Variants in TMEM74 observed in about 807,000 individuals in gnomAD.
The protein encoded by TMEM74 is transmembrane protein 74.
Under a neutral mutation model 18.1 loss-of-function variants are expected in TMEM74, and 13 were observed. The observed-to-expected ratio is 0.72, with a 90% CI of 0.47 to 1.14. The LOEUF (loss-of-function observed/expected upper bound fraction) is 1.14. Ranked by LOEUF, TMEM74 falls within the 50% of genes most tolerant of loss-of-function variation. The pLI, the probability that TMEM74 is intolerant of heterozygous loss-of-function variation, is 0.00. For missense variants in TMEM74, 372 were observed against 375.9 expected (o/e 0.99, Z 0.09); for synonymous variants, 159 against 146.6 (o/e 1.08, Z -0.61).
intron 2 of TMEM74, among the ~76,000 whole-genome samples, chr8:108,618,848 C>A (rs568122502): frequency 6.6e-6 from 1 of 152,166 alleles, no homozygotes; most frequent in Non-Finnish European, 1.5e-5. Flanking sequence ...AATGCTTCAC[C>A]CAGTTAGCAA....
At chr8:108,715,918 A>G (rs1465429716) in intron 1 of TMEM74, among the ~76,000 whole-genome samples, 1 of 152,152 alleles carries the variant, frequency 6.6e-6, no homozygotes, top group Non-Finnish European at 1.5e-5. Flanking sequence ...TTGAAGTGAA[A>G]GATATTCATT....
rs568682963 is a variant in TMEM74, at chr8:108,671,506, G to A, written n.120-16069C>T. Among the ~76,000 whole-genome samples, 80 of 152,298 alleles carry A rather than the reference G, an allele frequency of 5.3e-4. 1 individual carries two copies. The highest frequency in any genetic ancestry group is 1.9e-3 in the African/African-American group (79 of 41,566). ...ACATTAAGGTTCATGCAATATTGAT[G>A]TGTTAAGAGGGTTTTCACAACTCAG... On this transcript the variant is annotated intron_variant and non_coding_transcript_variant, in intron 1 of 3. Coordinates refer to the TMEM74 transcript ENST00000518838.
intron 2 of TMEM74, among the ~76,000 whole-genome samples, chr8:108,608,983 C>T (rs1048580539): frequency 2.0e-5 from 3 of 152,236 alleles, no homozygotes; most frequent in African/African-American, 7.2e-5. Context: ...GGTAAACAAA[C>T]AAATAAAAAA....
chr8:108,661,876 G>T (rs886734532), intron 1 of TMEM74, among the ~76,000 whole-genome samples: 4 of 152,074 alleles, frequency 2.6e-5, no homozygotes, highest in African/African-American at 4.8e-5. Flanking sequence ...TTGTGAAATT[G>T]CAAGAAATTC....
At position 108,656,934 on chromosome 8, in the gene TMEM74, T is replaced by C. The variant is rs551243628; in HGVS notation, n.120-1497A>G. Among the ~76,000 whole-genome samples, 33 of 152,280 alleles carry C rather than the reference T, an allele frequency of 2.2e-4. No homozygotes were observed. The East Asian group carries it at 5.6e-3, about 26-fold the overall frequency. On this transcript the variant is annotated intron_variant and non_coding_transcript_variant, in intron 1 of 3. Coordinates refer to the TMEM74 transcript ENST00000518838. ...CTTCCAAATTCTGGTAAAAATTTTT[T>C]CCAGAAGCCATTTTTATAAAAAAGA...
chr8:108,637,062 T>C (rs904587322), intron 2 of TMEM74, among the ~76,000 whole-genome samples: 3 of 152,110 alleles, frequency 2.0e-5, no homozygotes, highest in Non-Finnish European at 4.4e-5. Context: ...TTTGATAAAA[T>C]GCAGATCAAA....
At chr8:108,756,663 A>G (rs1231688019) in intron 1 of TMEM74, among the ~76,000 whole-genome samples, 1 of 85,836 alleles carries the variant, frequency 1.2e-5, no homozygotes, top group Non-Finnish European at 2.2e-5. Flanking sequence ...AAAGAAAGAA[A>G]GAAAGAAAGA....
intron 1 of TMEM74, among the ~76,000 whole-genome samples, chr8:108,770,150 A>C (rs1814155713): frequency 6.6e-6 from 1 of 152,176 alleles, no homozygotes; most frequent in Non-Finnish European, 1.5e-5. Context: ...GCTCATGGAC[A>C]GCCTTTGTGA....
At chr8:108,653,977 A>C (rs1812797954) in intron 2 of TMEM74, among the ~76,000 whole-genome samples, 1 of 152,168 alleles carries the variant, frequency 6.6e-6, no homozygotes, top group Non-Finnish European at 1.5e-5. Flanking sequence ...ATATAATATA[A>C]AGATGTATTG....
chr8:108,718,363 A>G (rs1813550638), intron 1 of TMEM74, among the ~76,000 whole-genome samples: 1 of 152,218 alleles, frequency 6.6e-6, no homozygotes, highest in African/African-American at 2.4e-5. Flanking sequence ...ATATTGATAC[A>G]GCATATGGAT....
chr8:108,665,427 G>T (rs1412559550), intron 1 of TMEM74, among the ~76,000 whole-genome samples: 2 of 152,048 alleles, frequency 1.3e-5, no homozygotes. Flanking sequence ...AGGAAGCAGA[G>T]GCCCTACCCC....
intron 1 of TMEM74, among the ~76,000 whole-genome samples, chr8:108,752,155 T>C (rs1437471313): frequency 6.6e-6 from 1 of 152,100 alleles, no homozygotes; most frequent in Non-Finnish European, 1.5e-5. Flanking sequence ...AAAGATGCAG[T>C]GGTAAAGAGC....
At chr8:108,668,948 C>T (rs1002034878) in intron 1 of TMEM74, among the ~76,000 whole-genome samples, 2 of 151,938 alleles carry the variant, frequency 1.3e-5, no homozygotes, top group Non-Finnish European at 2.9e-5. Context: ...ACTGCAGTTA[C>T]AACATTAATC....
At chr8:108,633,628 A>G (rs1812577150) in intron 2 of TMEM74, among the ~76,000 whole-genome samples, 1 of 152,036 alleles carries the variant, frequency 6.6e-6, no homozygotes, top group Non-Finnish European at 1.5e-5. Context: ...GATTGGAACC[A>G]GTTTTGTTTA....
In TMEM74 at chr8:108,784,927, A is replaced by G; in HGVS notation, c.172T>C (p.Ser58Pro). Reference protein sequence around the residue: ...STPRATEMEGSKLSSSPASPS... With the variant: ...STPRATEMEGPKLSSSPASPS... The stretch of plus-strand genomic sequence containing the variant: ...GATGCTGGAGAAGAACTAAGTTTAG[A>G]CCCTTCCATCTCGGTTGCTCTTGGG... Residue 58 changes from serine to proline, a missense_variant, in exon 2 of 2, where the codon TCT becomes CCT. By Grantham distance (74) the Ser-to-Pro change is moderately conservative. Transcript: ENST00000297459. 6.2e-7 allele frequency: 1 copy of G among 1,613,714 alleles called. No individual in the cohort carries two copies. The highest frequency in any genetic ancestry group is 8.5e-7 in the Non-Finnish European group (1 of 1,179,918).
intron 2 of TMEM74, among the ~76,000 whole-genome samples, chr8:108,624,570 A>G (rs929167668): frequency 6.6e-6 from 1 of 152,094 alleles, no homozygotes; most frequent in African/African-American, 2.4e-5. Flanking sequence ...CTAACTATAC[A>G]TATCTTATTT....
downstream of TMEM74, among the ~76,000 whole-genome samples, chr8:108,776,728 CATGATGATGATGATGATG>C (rs71305917): frequency 3.4e-5 from 5 of 147,896 alleles, no homozygotes; most frequent in African/African-American, 1.0e-4. Context: ...GCAGTTTCCA[CATGATGATGATGATGATG>C]ATGATGATGA....
In TMEM74 at chr8:108,780,097, G is replaced by C. The variant is rs1028962838; in HGVS notation, c.*4084C>G. On this transcript the variant is annotated 3_prime_UTR_variant, in exon 2 of 2. Transcript: ENST00000297459. The stretch of plus-strand genomic sequence containing the variant: ...TAGTCATTCTTTATGTCCAATTCTG[G>C]GAAAGGTTAAACCCATTACAGAGAA... Among the ~76,000 whole-genome samples, 1 of 151,998 alleles carries C rather than the reference G, an allele frequency of 6.6e-6. No individual in the cohort carries two copies. The highest frequency in any genetic ancestry group is 1.5e-5 in the Non-Finnish European group (1 of 67,988).
At chr8:108,663,891 T>C (rs186878860) in intron 1 of TMEM74, among the ~76,000 whole-genome samples, 127 of 152,216 alleles carry the variant, frequency 8.3e-4, no homozygotes, top group Middle Eastern at 3.4e-3. Context: ...TTCTCACTTA[T>C]AAGTGGGAGC....
Sources: gnomAD v4.1 joint callset for allele counts (sites outside exome capture counted in the v4.1 genomes callset) on GRCh38, gnomAD v4.1.1 for gene constraint, MANE v1.5 for transcripts, NCBI Gene and HGNC (gene_info 2026-07-23, HGNC 2026-07-21) for gene names.